UPF2: variants seen among roughly 807,000 people sequenced by gnomAD.
UPF2 encodes regulator of nonsense transcripts 2.
Under a neutral mutation model 141.4 loss-of-function variants are expected in UPF2, and 17 were observed. The observed-to-expected ratio is 0.12, with a 90% CI of 0.08 to 0.18. The LOEUF is 0.18. Ranked by LOEUF, UPF2 falls within the 10% of genes least tolerant of loss-of-function variation. The pLI, the probability that UPF2 is intolerant of heterozygous loss-of-function variation, is 1.00. For missense variants in UPF2, 1,152 were observed against 1,515.9 expected, an observed-to-expected ratio of 0.76 and a Z score of 3.99; for synonymous variants, 540 against 498.0, an observed-to-expected ratio of 1.08 and a Z score of -1.12.
At chr10:11,975,370 A>G (rs1398143354) in intron 9 of UPF2, among the ~76,000 whole-genome samples, 2 of 152,228 alleles carry the variant, frequency 1.3e-5, no homozygotes, top group Non-Finnish European at 2.9e-5. Context: ...TGTTCCCACC[A>G]TCCAAAGACT....
At chr10:11,993,764 A>G (rs1209437909) in intron 8 of UPF2, among the ~76,000 whole-genome samples, 2 of 152,164 alleles carry the variant, frequency 1.3e-5, no homozygotes, top group South Asian at 2.1e-4. Flanking sequence ...GCTTGAGCCC[A>G]GGAGTTCAAG....
intron 19 of UPF2, among the ~76,000 whole-genome samples, chr10:11,933,948 G>A (rs1342229709): frequency 6.6e-6 from 1 of 152,184 alleles, no homozygotes; most frequent in Non-Finnish European, 1.5e-5. Context: ...TGCAGGAATG[G>A]AGACCAAGGT....
At position 11,931,556 on chromosome 10, in the gene UPF2, T is replaced by C. The variant is rs149409953; in HGVS notation, c.3688+85A>G. 19,196 of 1,368,374 alleles carry C rather than the reference T, an allele frequency of 0.014. 185 individuals carry two copies. Among genetic ancestry groups the C allele is most frequent in the Middle Eastern group, 0.027 (108 of 4,030 alleles). 84.8% of individuals were successfully genotyped at this position (1,368,374 alleles called of 1,614,324 possible). On this transcript the variant is annotated intron_variant, in intron 20 of 21. Coordinates refer to ENST00000357604, the MANE Select transcript of UPF2 (RefSeq NM_015542.4). This position sits in a 1 kb window ranked among gnomAD's most constrained non-coding sequence, Gnocchi z 5.9. ...TTCTCAGCATAAATATGGAAAAATA[T>C]GACATGAGAAGATGAGACAAAATAA...
At chr10:12,017,464 T>C (rs1834242914) in intron 3 of UPF2, among the ~76,000 whole-genome samples, 1 of 152,178 alleles carries the variant, frequency 6.6e-6, no homozygotes, top group Admixed American at 6.5e-5. Context: ...GCCTGTGACT[T>C]TGCGCTGAGT....
At chr10:12,034,926 A>G (rs1834594814) in intron 2 of UPF2, 133 bp downstream of exon 2, 1 of 1,335,352 alleles carries the variant, frequency 7.5e-7, no homozygotes, top group Non-Finnish European at 1.0e-6. Flanking sequence ...AAACTAACAG[A>G]ACAAGTAAAT....
At chr10:11,984,384 C>A (rs544217548) in intron 8 of UPF2, among the ~76,000 whole-genome samples, 1 of 152,054 alleles carries the variant, frequency 6.6e-6, no homozygotes, top group African/African-American at 2.4e-5. Context: ...ATTTCTTAAA[C>A]TTTTTAATGT....
At chr10:11,938,864 T>TTTTTTTTTTG (rs1832894653) in intron 18 of UPF2, among the ~76,000 whole-genome samples, 1 of 81,064 alleles carries the variant, frequency 1.2e-5, no homozygotes, top group African/African-American at 4.2e-5. Context: ...TTTTTTTTTT[T>TTTTTTTTTTG]TTTTTTTTTT....
chr10:12,012,310 C>G (rs1348864358), intron 4 of UPF2, among the ~76,000 whole-genome samples: 1 of 151,962 alleles, frequency 6.6e-6, no homozygotes, highest in South Asian at 2.1e-4. Context: ...GATCCACCTG[C>G]CCTGGCCTCC....
intron 3 of UPF2, among the ~76,000 whole-genome samples, 170 bp downstream of exon 3, chr10:12,028,575 T>C (rs1462277161): frequency 6.6e-6 from 1 of 152,178 alleles, no homozygotes; most frequent in East Asian, 1.9e-4. Context: ...AGACTCACAT[T>C]AAAACATGAG....
Position 11,920,797 on chromosome 10 carries a change from A to C in UPF2, c.*501T>G, listed in dbSNP as rs1419195096. 4 of 290,318 alleles carry C rather than the reference A, an allele frequency of 1.4e-5. No homozygotes were observed. The highest frequency in any genetic ancestry group is 4.4e-5 in the African/African-American group (2 of 45,790). The allele number at this position is 290,318 out of a possible 1,614,324, so 18.0% of individuals were successfully genotyped here. A position where few individuals can be genotyped will look rare whatever the true frequency, so the allele number is the denominator to read the frequency against. Reference sequence around the variant, plus strand: ...TTGTCCTGCATGTAAGTTTTACTAGAAGATTTTCCTGCTTGCTCTATACTT... The same window carrying C: ...TTGTCCTGCATGTAAGTTTTACTAGCAGATTTTCCTGCTTGCTCTATACTT... On this transcript the variant is annotated 3_prime_UTR_variant, in exon 22 of 22. Coordinates refer to ENST00000357604, the MANE Select transcript of UPF2 (RefSeq NM_015542.4).
chr10:11,942,745 C>A lies in UPF2; in HGVS notation c.3298G>T (p.Gly1100Cys). 6.2e-7 allele frequency: 1 copy of A among 1,613,692 alleles called. No homozygotes were observed. Among genetic ancestry groups the A allele is most frequent in the Non-Finnish European group, 8.5e-7 (1 of 1,179,848 alleles). The stretch of plus-strand genomic sequence containing the variant: ...ACACAAGGTACATGCTTAAGTCCAC[C>A]GCCTTTAATCATTACCTCCTTATTA... ...EENTEVMIKGGGLKHVPCVED... is the reference protein window; with the variant it reads ...EENTEVMIKGCGLKHVPCVED... The change falls in exon 18 of 22, where the codon GGT becomes TGT. Residue 1100 changes from glycine to cysteine, a missense_variant. Coordinates refer to ENST00000357604, the MANE Select transcript of UPF2 (RefSeq NM_015542.4).
intron 18 of UPF2, among the ~76,000 whole-genome samples, chr10:11,938,753 G>A (rs1390602657): frequency 4.8e-5 from 7 of 145,020 alleles, no homozygotes; most frequent in Non-Finnish European, 7.5e-5. Context: ...ATTTCTTCAA[G>A]TTTCTTATAG....
chr10:12,033,893 AGTCACT>A (rs1834573242), intron 2 of UPF2, among the ~76,000 whole-genome samples: 1 of 152,124 alleles, frequency 6.6e-6, no homozygotes, highest in Admixed American at 6.5e-5. Context: ...ATTCAACAGT[AGTCACT>A]GCTGATGCAT....
chr10:11,977,040 C>G (rs1005221045), intron 9 of UPF2, among the ~76,000 whole-genome samples: 1 of 152,104 alleles, frequency 6.6e-6, no homozygotes, highest in Non-Finnish European at 1.5e-5. Context: ...GAGTGGGGCA[C>G]AGTTTCGAAT....
At chr10:11,928,689 A>C in intron 21 of UPF2, 1 of 352,940 alleles carries the variant, frequency 2.8e-6, no homozygotes, top group Non-Finnish European at 5.5e-6. Flanking sequence ...AGCCTGGGCG[A>C]CAGAGCCAGA....
At position 12,019,829 on chromosome 10, in the gene UPF2, T is replaced by C. The variant is rs1238426977; in HGVS notation, c.1146-5645A>G. 1.3e-5 allele frequency among the ~76,000 whole-genome samples: 2 copies of C among 152,090 alleles called. No homozygotes were observed. Among genetic ancestry groups the C allele is most frequent in the Non-Finnish European group, 2.9e-5 (2 of 68,020 alleles). ...ACCTCCGCCTCCTAGGTTCAAGCAA[T>C]TCTCCCTGCCTCAGCCTCCCACATA... is the stretch of plus-strand genomic sequence containing the variant. On this transcript the variant is annotated intron_variant, in intron 3 of 21. Transcript: ENST00000357604. This position sits in a 1 kb window ranked among gnomAD's most constrained non-coding sequence, Gnocchi z 4.5.
chr10:11,987,595 T>TA (rs1008910173), intron 8 of UPF2, among the ~76,000 whole-genome samples: 1 of 151,002 alleles, frequency 6.6e-6, no homozygotes, highest in Non-Finnish European at 1.5e-5. Context: ...CCGTCTCTAC[T>TA]AAAAAAATAT....
chr10:11,956,170 G>C lies in UPF2; in HGVS notation c.2574+150C>G. ...TCAAAAAAAAAAAAAAAAGAGGAAAGTGTTTACAGGAAATTCTTATAAAAT... is the reference window on the plus strand; with the variant it reads ...TCAAAAAAAAAAAAAAAAGAGGAAACTGTTTACAGGAAATTCTTATAAAAT... On this transcript the variant is annotated intron_variant, in intron 13 of 21. Coordinates refer to ENST00000357604, the MANE Select transcript of UPF2 (RefSeq NM_015542.4). This position sits in a 1 kb window ranked among gnomAD's most constrained non-coding sequence, Gnocchi z 4.2. 1 of 744,662 alleles carries C rather than the reference G, an allele frequency of 1.3e-6. No homozygotes were observed. The highest frequency in any genetic ancestry group is 2.2e-6 in the Non-Finnish European group (1 of 461,090). The allele number at this position is 744,662 out of a possible 1,614,324, so 46.1% of individuals were successfully genotyped here. A position where few individuals can be genotyped will look rare whatever the true frequency, so the allele number is the denominator to read the frequency against.
At chr10:11,975,945 T>G (rs1424439543) in intron 9 of UPF2, among the ~76,000 whole-genome samples, 1 of 152,236 alleles carries the variant, frequency 6.6e-6, no homozygotes, top group African/African-American at 2.4e-5. Flanking sequence ...AGTCATACTG[T>G]GAATCACAGT....
Sources: gnomAD v4.1 joint callset for allele counts (sites outside exome capture counted in the v4.1 genomes callset) on GRCh38, gnomAD v4.1.1 for gene constraint, Gnocchi (gnomAD v3.1) non-coding constraint, MANE v1.5 for transcripts, NCBI Gene and HGNC (gene_info 2026-07-23, HGNC 2026-07-21) for gene names.